SCRIB: variants seen among roughly 807,000 people sequenced by gnomAD.
The protein encoded by SCRIB is scribble planar cell polarity protein.
SCRIB carries 72 observed loss-of-function variants against 170.0 expected under a neutral mutation model. The observed-to-expected ratio is 0.42, with a 90% confidence interval of 0.35 to 0.52. The LOEUF (loss-of-function observed/expected upper bound fraction) is 0.52, where lower values mean the gene tolerates loss of function less well. SCRIB is among the 20% of genes least tolerant of loss of function. The pLI is 0.02. For missense variants in SCRIB, 2,475 were observed against 2,338.5 expected (o/e 1.06, Z -1.20); for synonymous variants, 1,298 against 1,044.3 (o/e 1.24, Z -4.68).
chr8:143,810,838 A>AC, intron 11 of SCRIB, 22 bp from the exon 12 acceptor site: 1 of 1,604,036 alleles, frequency 6.2e-7, no homozygotes, highest in Non-Finnish European at 8.5e-7. Context: ...GAGCGTCAGG[A>AC]CCCAGGCTAG....
intron 24 of SCRIB, among the ~76,000 whole-genome samples, chr8:143,801,396 G>A (rs539997199): frequency 6.6e-4 from 101 of 152,286 alleles, no homozygotes; most frequent in African/African-American, 1.9e-3. Context: ...TAAACTTCCA[G>A]AAATACTAGA....
chr8:143,796,699 T>C (rs1359479569), intron 24 of SCRIB, among the ~76,000 whole-genome samples: 1 of 152,212 alleles, frequency 6.6e-6, no homozygotes, highest in Non-Finnish European at 1.5e-5. Context: ...GCTACGTCTC[T>C]TTCAGACTCA....
chr8:143,794,994 G>A, intron 27 of SCRIB, 44 bp downstream of exon 27: 1 of 1,577,760 alleles, frequency 6.3e-7, no homozygotes, highest in Non-Finnish European at 8.7e-7. Context: ...CGATGAACAG[G>A]ACAACAGGAC....
At chr8:143,810,373 C>T (rs1321348801) in intron 13 of SCRIB, 106 bp downstream of exon 13, 5 of 1,480,332 alleles carry the variant, frequency 3.4e-6, no homozygotes, top group Non-Finnish European at 4.6e-6. Context: ...ATCTCCTGCT[C>T]CTTCTCTGTG....
rs1281128491 is a variant in SCRIB at position 143,815,729 on chromosome 8, C to T, written c.-357G>A. On this transcript the variant is annotated 5_prime_UTR_variant, in exon 1 of 37. Transcript: ENST00000356994. ...GCCGCTGCCCGCCGGACTGCCCCGC[C>T]GACACCCACCCGGCCGCCGCGCAGC... 2.0e-6 allele frequency: 2 copies of T among 984,032 alleles called. No homozygotes were observed. The highest frequency in any genetic ancestry group is 1.1e-4 in the East Asian group (1 of 8,794). 61.0% of individuals were successfully genotyped at this position (984,032 alleles called of 1,614,324 possible).
chr8:143,813,550 G>A lies in SCRIB; in HGVS notation c.447-24C>T, dbSNP rs534043688. On this transcript the variant is annotated intron_variant, in intron 4 of 36. Coordinates refer to ENST00000356994, the MANE Select transcript of SCRIB (RefSeq NM_182706.5). ...GGCTGAAAGAGAGACCAGGCGCTGG[G>A]GCAAGAGGAAGGAAAGCAGTGGCAG... 12 of 1,613,208 alleles carry A rather than the reference G, an allele frequency of 7.4e-6. 1 individual carries two copies. In the Admixed American group the frequency reaches 1.8e-4, roughly 25 times the overall value.
Position 143,793,433 on chromosome 8 carries a change from CAGAG to C in SCRIB, c.3910-354_3910-351del, listed in dbSNP as rs782178689. 89 of 301,286 alleles carry C rather than the reference CAGAG, an allele frequency of 3.0e-4. 1 individual carries two copies. Among genetic ancestry groups the C allele is most frequent in the East Asian group, 1.4e-3 (25 of 18,404 alleles). 18.7% of individuals were successfully genotyped at this position (301,286 alleles called of 1,614,324 possible). A position where few individuals can be genotyped will look rare whatever the true frequency, so the allele number is the denominator to read the frequency against. ...GGGGTAGAGAGGGGGGTGGGAGAGACAGAGAGAGAGAGACCGACCAACCTGGGTG... is the reference window on the plus strand; with the variant it reads ...GGGGTAGAGAGGGGGGTGGGAGAGACAGAGAGAGACCGACCAACCTGGGTG... On this transcript the variant is annotated intron_variant, in intron 28 of 36. Coordinates refer to ENST00000356994, the MANE Select transcript of SCRIB (RefSeq NM_182706.5).
chr8:143,815,138 C>T, intron 1 of SCRIB, 76 bp downstream of exon 1: 1 of 1,411,144 alleles, frequency 7.1e-7, no homozygotes, highest in South Asian at 1.4e-5. Context: ...GGTGACTCGC[C>T]CGGGCAGATT....
intron 28 of SCRIB, 152 bp downstream of exon 28, chr8:143,793,748 A>C: frequency 1.5e-6 from 1 of 683,510 alleles, no homozygotes; most frequent in Non-Finnish European, 2.4e-6. Context: ...CTCACACAGG[A>C]GGCCCCATGG....
Position 143,810,963 on chromosome 8 carries a change from T to C in SCRIB, c.1216A>G (p.Thr406Ala). 6.2e-7 allele frequency: 1 copy of C among 1,612,004 alleles called. No individual in the cohort carries two copies. Among genetic ancestry groups the C allele is most frequent in the Non-Finnish European group, 8.5e-7 (1 of 1,179,664 alleles). Residue 406 changes from threonine to alanine, a missense_variant, in exon 11 of 37, where the codon ACC becomes GCC. Physicochemically the swap from Thr to Ala is moderately conservative, Grantham distance 58 (BLOSUM62 0). Around this residue, in one of 3 missense-constraint regions of SCRIB, gnomAD observed 487 missense variants for 558.1 expected, o/e 0.87. Transcript: ENST00000356994. ...LRFQTEDDAR[T>A]GEKVLTCYLL... ...TAGCAGGTGAGCACCTTCTCGCCGG[T>C]CCGGGCATCATCCTCCGTCTGGAAC...
At chr8:143,804,482 G>A (rs879946836) in intron 21 of SCRIB, 86 bp downstream of exon 21, 258 of 1,367,592 alleles carry the variant, frequency 1.9e-4, no homozygotes, top group Middle Eastern at 2.4e-4. Flanking sequence ...GGAGTGGGCC[G>A]CAAGGCCATA....
intron 24 of SCRIB, among the ~76,000 whole-genome samples, chr8:143,797,776 G>A (rs1194549028): frequency 2.6e-5 from 4 of 152,236 alleles, no homozygotes; most frequent in Non-Finnish European, 4.4e-5. Context: ...ACAGAGGCAC[G>A]CTCCGACCGA....
chr8:143,794,235 C>T, intron 27 of SCRIB: 1 of 469,012 alleles, frequency 2.1e-6, no homozygotes, highest in Non-Finnish European at 3.9e-6. Flanking sequence ...GACAGGACAG[C>T]CGGAGAAGAG....
In SCRIB at chr8:143,811,138, G is replaced by T; in HGVS notation, c.1106+8C>A. The T allele has an allele frequency of 6.3e-7, 1 of 1,597,290 alleles. No individual in the cohort carries two copies. The highest frequency in any genetic ancestry group is 2.3e-5 in the East Asian group (1 of 44,026). ...CGGTTAGGCCCGCAGGGCAAGGCTG[G>T]CACTCACCGGTTCCCCGCCACGTCC... On this transcript the variant is annotated splice_region_variant and intron_variant, in intron 10 of 36. Transcript: ENST00000356994.
chr8:143,805,256 C>G lies in SCRIB; in HGVS notation c.2526G>C (p.Gly842=), dbSNP rs1815369878. Residue 842 remains glycine, a synonymous_variant, in exon 19 of 37, where the codon GGG becomes GGC. Transcript: ENST00000356994. ...GCGGGAGCAGGGGCAGGCGCAGCCCCCCTCCCCGCCGCTCTCGGGGGCTGT... is the reference window on the plus strand; with the variant it reads ...GCGGGAGCAGGGGCAGGCGCAGCCCGCCTCCCCGCCGCTCTCGGGGGCTGT... ...DDYSPRERRG[G]GLRLPLLPPE... The G allele has an allele frequency of 1.3e-6, 2 of 1,531,772 alleles. No homozygotes were observed. The highest frequency in any genetic ancestry group is 1.7e-6 in the Non-Finnish European group (2 of 1,143,928). The allele number at this position is 1,531,772 out of a possible 1,614,324, so 94.9% of individuals were successfully genotyped here. A position where few individuals can be genotyped will look rare whatever the true frequency, so the allele number is the denominator to read the frequency against.
Position 143,791,169 on chromosome 8 carries a change from G to C in SCRIB, c.4962C>G (p.Pro1654=). The C allele has an allele frequency of 7.0e-7, 1 of 1,421,894 alleles. No individual in the cohort carries two copies. Among genetic ancestry groups the C allele is most frequent in the Non-Finnish European group, 9.2e-7 (1 of 1,086,628 alleles). 88.1% of individuals were successfully genotyped at this position (1,421,894 alleles called of 1,614,324 possible). The change falls in exon 37 of 37, where the codon CCC becomes CCG. Residue 1654 remains proline, a synonymous_variant. Coordinates refer to ENST00000356994, the MANE Select transcript of SCRIB (RefSeq NM_182706.5). ...GGGGGAGGTGCCTGCTCCTCTAGGA[G>C]GGCACAGGGCCCAGGCCACGGCGCC... ...RPGRRGLGPV[P]S is the part of the protein sequence containing the mutation.
chr8:143,806,349 G>A, intron 18 of SCRIB, 58 bp downstream of exon 18: 3 of 1,358,322 alleles, frequency 2.2e-6, no homozygotes, highest in Non-Finnish European at 3.1e-6. Flanking sequence ...TAATACCAGG[G>A]ACCATGTACC....
rs1815692361 is a variant in SCRIB at position 143,811,035 on chromosome 8, G to A, written c.1144C>T (p.Leu382Phe). 1.2e-6 allele frequency: 2 copies of A among 1,612,518 alleles called. No individual in the cohort carries two copies. Among genetic ancestry groups the A allele is most frequent in the Non-Finnish European group, 1.7e-6 (2 of 1,179,676 alleles). Reference sequence around the variant, plus strand: ...TTCTCTGCCAGCCACAGGGCCTTGAGATTGAGGTGGGTGAGCGCGAACGGC... The same window carrying A: ...TTCTCTGCCAGCCACAGGGCCTTGAAATTGAGGTGGGTGAGCGCGAACGGC... Reference protein sequence around the residue: ...SLPFALTHLNLKALWLAENQA... With the variant: ...SLPFALTHLNFKALWLAENQA... Residue 382 changes from leucine to phenylalanine, a missense_variant, in exon 11 of 37, where the codon CTC (leucine) becomes TTC (phenylalanine). By Grantham distance (22) the Leu-to-Phe change is conservative. Around this residue, in one of 3 missense-constraint regions of SCRIB, gnomAD observed 487 missense variants for 558.1 expected, o/e 0.87. Transcript: ENST00000356994.
chr8:143,792,211 G>T lies in SCRIB; in HGVS notation c.4514+9C>A. The T allele has an allele frequency of 6.4e-7, 1 of 1,558,364 alleles. No individual in the cohort carries two copies. Among genetic ancestry groups the T allele is most frequent in the East Asian group, 2.3e-5 (1 of 43,872 alleles). On this transcript the variant is annotated intron_variant, in intron 32 of 36. Transcript: ENST00000356994. Reference sequence around the variant, plus strand: ...CAGGGCGGGGTGGCGACCCCACACAGGGGCTCACCTGGCTGCCCTCCACAG... The same window carrying T: ...CAGGGCGGGGTGGCGACCCCACACATGGGCTCACCTGGCTGCCCTCCACAG...
Sources: allele counts gnomAD v4.1 joint callset (sites outside exome capture counted in the v4.1 genomes callset), GRCh38; gene constraint gnomAD v4.1.1; regional missense constraint gnomAD v4.1.1; transcripts MANE v1.5; gene names NCBI Gene and HGNC (gene_info 2026-07-23, HGNC 2026-07-21).